SCD5: variants seen among roughly 807,000 people sequenced by gnomAD.
SCD5 encodes the protein acyl-CoA-desaturase 4.
SCD5 carries 20 observed loss-of-function variants against 30.4 expected under a neutral mutation model. The ratio of observed to expected loss-of-function variants is 0.66; its 90% CI spans 0.46 to 0.96. The LOEUF is 0.96. Ranked by LOEUF, SCD5 falls within the 40% of genes least tolerant of loss-of-function variation. SCD5 has a pLI of 0.00. For synonymous variants in SCD5, 173 were observed against 176.4 expected, an observed-to-expected ratio of 0.98 and a Z score of 0.16; for missense variants, 381 against 443.3, an observed-to-expected ratio of 0.86 and a Z score of 1.26.
At chr4:82,739,105 T>C (rs1368327990) in intron 1 of SCD5, among the ~76,000 whole-genome samples, 6 of 152,198 alleles carry the variant, frequency 3.9e-5, no homozygotes, top group African/African-American at 1.4e-4. Context: ...ACTGTGACTT[T>C]GGGGCCAAAT....
chr4:82,724,810 G>A (rs1720438488), intron 1 of SCD5, among the ~76,000 whole-genome samples: 2 of 152,180 alleles, frequency 1.3e-5, no homozygotes, highest in African/African-American at 4.8e-5. Flanking sequence ...TGAGCAGTGG[G>A]GCTTGCTAGT....
chr4:82,731,083 C>T (rs546195309), intron 1 of SCD5, among the ~76,000 whole-genome samples: 1 of 152,092 alleles, frequency 6.6e-6, no homozygotes, highest in Non-Finnish European at 1.5e-5. Flanking sequence ...TTTTCAATTC[C>T]TTTTTTCATT....
At position 82,705,362 on chromosome 4, in the gene SCD5, C is replaced by T. The variant is rs751126623; in HGVS notation, c.284G>A (p.Arg95His). Residue 95 changes from arginine (R) to histidine (H), a missense_variant, in exon 2 of 5, where the codon CGC (arginine) becomes CAC (histidine). Arg to His is a conservative substitution (Grantham distance 29). Transcript: ENST00000319540. ...CCGGTAGGACCTGTGGCTCCACAAG[C>T]GATGGGCACCAGCTGTCACACCCAG... ...AALGVTAGAH[R>H]LWSHRSYRAK... is the part of the protein sequence containing the mutation. 2.4e-5 allele frequency: 38 copies of T among 1,614,112 alleles called. No individual in the cohort carries two copies. Among genetic ancestry groups the T allele is most frequent in the Non-Finnish European group, 3.1e-5 (36 of 1,180,042 alleles).
chr4:82,781,560 T>C (rs1034388240), intron 1 of SCD5, among the ~76,000 whole-genome samples: 5 of 152,204 alleles, frequency 3.3e-5, no homozygotes, highest in African/African-American at 1.2e-4. Context: ...TAAGTTCATG[T>C]GTTGGAAACT....
At chr4:82,662,792 G>A (rs1267494302) in intron 3 of SCD5, among the ~76,000 whole-genome samples, 3 of 150,350 alleles carry the variant, frequency 2.0e-5, no homozygotes, top group Admixed American at 2.0e-4. Context: ...CCTGGGAGAC[G>A]GAGATTGCAG....
Position 82,630,148 on chromosome 4 carries a change from C to T in SCD5, c.*1179G>A, listed in dbSNP as rs997844981. The T allele has an allele frequency of 2.0e-5, 3 of 152,080 alleles. No homozygotes were observed. The highest frequency in any genetic ancestry group is 4.4e-5 in the Non-Finnish European group (3 of 68,006). 9.4% of individuals were successfully genotyped at this position (152,080 alleles called of 1,614,324 possible). A position where few individuals can be genotyped will look rare whatever the true frequency, so the allele number is the denominator to read the frequency against. Reference sequence around the variant, plus strand: ...TTTAAGATAACAATAGCAAACAGAACAAAATCAAACATCTAAACAGGCATG... The same window carrying T: ...TTTAAGATAACAATAGCAAACAGAATAAAATCAAACATCTAAACAGGCATG... On this transcript the variant is annotated 3_prime_UTR_variant, in exon 5 of 5. Coordinates refer to ENST00000319540, the MANE Select transcript of SCD5 (RefSeq NM_001037582.3).
chr4:82,719,909 C>G (rs1720329266), intron 1 of SCD5, among the ~76,000 whole-genome samples: 3 of 151,678 alleles, frequency 2.0e-5, no homozygotes, highest in Admixed American at 2.0e-4. Context: ...TTAAGCGATT[C>G]TCATGCCTCA....
chr4:82,754,753 C>A (rs116037814), intron 1 of SCD5, among the ~76,000 whole-genome samples: 1,621 of 152,314 alleles, frequency 0.011, 17 homozygotes, highest in Middle Eastern at 0.048. Flanking sequence ...GTGGGGGAAC[C>A]CATGCCAATC....
At chr4:82,637,839 CT>C (rs777852694) in intron 3 of SCD5, among the ~76,000 whole-genome samples, 27 of 151,700 alleles carry the variant, frequency 1.8e-4, no homozygotes, top group East Asian at 7.7e-4. Flanking sequence ...GAACATGCCT[CT>C]TTTTTTTTCT....
intron 3 of SCD5, among the ~76,000 whole-genome samples, chr4:82,664,467 C>T (rs1728123134): frequency 6.6e-6 from 1 of 152,028 alleles, no homozygotes; most frequent in African/African-American, 2.4e-5. Flanking sequence ...AAATCATTGT[C>T]CAGAGATAAA....
chr4:82,730,580 CCCTT>C (rs1478583101), intron 1 of SCD5, among the ~76,000 whole-genome samples: 1 of 138,722 alleles, frequency 7.2e-6, no homozygotes, highest in Non-Finnish European at 1.5e-5. Flanking sequence ...GTATTTTTTT[CCCTT>C]CTTTTTTTTT....
In SCD5 at chr4:82,660,705, G is replaced by A. The variant is rs1006228091; in HGVS notation, c.569+20002C>T. On this transcript the variant is annotated intron_variant, in intron 3 of 4. Transcript: ENST00000319540. Reference sequence around the variant, plus strand: ...TTTTAGGACCATATTTTACCTCCCCGTAGCTGCCTCCTTGTGTCAACTGAT... The same window carrying A: ...TTTTAGGACCATATTTTACCTCCCCATAGCTGCCTCCTTGTGTCAACTGAT... 88 of 1,437,698 alleles carry A rather than the reference G, an allele frequency of 6.1e-5. 1 individual carries two copies. The South Asian group carries it at 7.7e-4, about 13-fold the overall frequency. The allele number at this position is 1,437,698 out of a possible 1,614,324, so 89.1% of individuals were successfully genotyped here. A position where few individuals can be genotyped will look rare whatever the true frequency, so the allele number is the denominator to read the frequency against.
At chr4:82,785,889 G>A (rs1456724937) in intron 1 of SCD5, among the ~76,000 whole-genome samples, 3 of 152,024 alleles carry the variant, frequency 2.0e-5, no homozygotes, top group African/African-American at 7.2e-5. Flanking sequence ...ATGTTTCTGG[G>A]GACACTCAAG....
intron 1 of SCD5, among the ~76,000 whole-genome samples, chr4:82,747,247 T>G (rs1014391117): frequency 1.1e-4 from 17 of 152,238 alleles, no homozygotes; most frequent in African/African-American, 3.9e-4. Flanking sequence ...GCTAAGCACT[T>G]TATAACCATG....
At chr4:82,720,441 T>TAAAAAAAAAAA (rs1553917690) in intron 1 of SCD5, among the ~76,000 whole-genome samples, 5 of 77,878 alleles carry the variant, frequency 6.4e-5, no homozygotes, top group African/African-American at 2.1e-4. Flanking sequence ...AAGGCAAAAA[T>TAAAAAAAAAAA]AAAAAAAAAA....
At chr4:82,690,594 A>C (rs1728811605) in intron 2 of SCD5, among the ~76,000 whole-genome samples, 2 of 152,110 alleles carry the variant, frequency 1.3e-5, no homozygotes, top group South Asian at 4.2e-4. Context: ...TTTCCTCTCC[A>C]CAATACATTC....
intron 4 of SCD5, among the ~76,000 whole-genome samples, chr4:82,633,530 T>C (rs1316138392): frequency 6.6e-6 from 1 of 152,246 alleles, no homozygotes; most frequent in Non-Finnish European, 1.5e-5. Context: ...ATGGTAGCTC[T>C]ATTTTTAATT....
chr4:82,698,020 C>T (rs1284799223), intron 2 of SCD5: 1 of 456,602 alleles, frequency 2.2e-6, no homozygotes, highest in Non-Finnish European at 4.4e-6. Flanking sequence ...CAAATCTCAC[C>T]TTCCAAAATC....
chr4:82,640,509 G>A (rs1018796388), intron 3 of SCD5, among the ~76,000 whole-genome samples: 39 of 152,324 alleles, frequency 2.6e-4, no homozygotes, highest in Admixed American at 1.8e-3. Context: ...TCAGTAGAAT[G>A]GATGAAAGAA....
Sources: gnomAD v4.1 joint callset for allele counts (sites outside exome capture counted in the v4.1 genomes callset) on GRCh38, gnomAD v4.1.1 for gene constraint, MANE v1.5 for transcripts, NCBI Gene and HGNC (gene_info 2026-07-23, HGNC 2026-07-21) for gene names.